Variants in CCNY observed in about 807,000 individuals in gnomAD.
CCNY encodes the protein cyclin Y.
A neutral mutation model predicts 42.8 loss-of-function variants in CCNY; 19 were observed. The observed-to-expected ratio is 0.44, with a 90% CI of 0.31 to 0.65. The LOEUF (loss-of-function observed/expected upper bound fraction) is 0.65. Ranked by LOEUF, CCNY falls within the 30% of genes least tolerant of loss-of-function variation. The pLI, the probability that CCNY is intolerant of heterozygous loss-of-function variation, is 0.07. For synonymous variants in CCNY, 165 were observed against 162.7 expected (o/e 1.01, Z -0.11); for missense variants, 370 against 437.3 (o/e 0.85, Z 1.37).
chr10:35,553,783 C>T (rs887013970), intron 8 of CCNY, among the ~76,000 whole-genome samples: 10 of 152,060 alleles, frequency 6.6e-5, no homozygotes, highest in Admixed American at 6.5e-4. Flanking sequence ...GTCCACTCCC[C>T]TCACTCTCTG....
chr10:35,383,044 T>C (rs1837223300), intron 1 of CCNY, among the ~76,000 whole-genome samples: 1 of 152,120 alleles, frequency 6.6e-6, no homozygotes. Context: ...CAATTGAACA[T>C]GGATCGAAAA....
At chr10:35,352,719 G>T (rs1199396545) in intron 1 of CCNY, among the ~76,000 whole-genome samples, 1 of 152,220 alleles carries the variant, frequency 6.6e-6, no homozygotes, top group African/African-American at 2.4e-5. Flanking sequence ...ACAATACGGT[G>T]TGTAGGGGAA....
intron 3 of CCNY, among the ~76,000 whole-genome samples, chr10:35,325,398 G>A (rs1398847922): frequency 2.6e-5 from 4 of 151,566 alleles, no homozygotes; most frequent in South Asian, 2.1e-4. Flanking sequence ...GGCTGGTCTC[G>A]AACTCCTGAC....
chr10:35,535,543 C>T (rs1840869132), intron 7 of CCNY, among the ~76,000 whole-genome samples: 2 of 152,086 alleles, frequency 1.3e-5, no homozygotes, highest in South Asian at 4.2e-4. Context: ...TATATGTATA[C>T]ATATACGTAT....
intron 1 of CCNY, among the ~76,000 whole-genome samples, chr10:35,391,976 A>C (rs17579654): frequency 0.4 from 60,477 of 151,662 alleles, 12,447 homozygotes; most frequent in African/African-American, 0.5. Flanking sequence ...GCAGCCTTCT[A>C]TAACATTTAT....
intron 1 of CCNY, among the ~76,000 whole-genome samples, chr10:35,428,019 A>G (rs1057215568): frequency 6.6e-6 from 1 of 152,220 alleles, no homozygotes; most frequent in African/African-American, 2.4e-5. Context: ...TGGACCGACT[A>G]TCTTTATAGA....
At chr10:35,404,683 G>A (rs185528306) in intron 1 of CCNY, among the ~76,000 whole-genome samples, 14 of 152,270 alleles carry the variant, frequency 9.2e-5, no homozygotes, top group Non-Finnish European at 1.3e-4. Flanking sequence ...AAAGGTGAAA[G>A]TATCCAAACA....
chr10:35,266,926 A>C (rs1249077647), intron 3 of CCNY, among the ~76,000 whole-genome samples: 1 of 144,872 alleles, frequency 6.9e-6, no homozygotes, highest in Non-Finnish European at 1.5e-5. Flanking sequence ...TCTACTAAAA[A>C]TACAAACATT....
intron 1 of CCNY, among the ~76,000 whole-genome samples, chr10:35,369,083 A>T (rs148852762): frequency 6.6e-6 from 1 of 151,848 alleles, no homozygotes; most frequent in African/African-American, 2.4e-5. Context: ...TGCTCTGTGG[A>T]AGTAGTCCAG....
At chr10:35,488,823 T>C (rs1247568419) in intron 2 of CCNY, among the ~76,000 whole-genome samples, 2 of 152,210 alleles carry the variant, frequency 1.3e-5, no homozygotes, top group Non-Finnish European at 2.9e-5. Flanking sequence ...TTCAGTCCTT[T>C]AAAAATGTAT....
chr10:35,491,786 T>G (rs1179664360), intron 2 of CCNY, among the ~76,000 whole-genome samples: 1 of 152,042 alleles, frequency 6.6e-6, no homozygotes, highest in Admixed American at 6.5e-5. Context: ...GCTAATTTTT[T>G]GTATTTTTAG....
At chr10:35,478,225 A>T (rs1415314879) in intron 1 of CCNY, among the ~76,000 whole-genome samples, 1 of 148,870 alleles carries the variant, frequency 6.7e-6, no homozygotes. Context: ...AAGGTAATTT[A>T]CAGATTCAAT....
rs570914308 is a variant in CCNY, at chr10:35,336,844, T to TCGC, written c.-190_-188dup. On this transcript the variant is annotated 5_prime_UTR_variant, in exon 1 of 10. Coordinates refer to ENST00000374704, the MANE Select transcript of CCNY (RefSeq NM_145012.6). Reference sequence around the variant, plus strand: ...GGGAGCCGGGGCCGTCGCCCGCTCGTCGCCGCCGCCGCCGCCGCCGCCCAT... The same window carrying TCGC: ...GGGAGCCGGGGCCGTCGCCCGCTCGTCGCCGCCGCCGCCGCCGCCGCCGCCCAT... The TCGC allele has an allele frequency of 7.4e-4, 111 of 149,672 alleles. 1 individual carries two copies. Among genetic ancestry groups the TCGC allele is most frequent in the African/African-American group, 9.4e-4 (38 of 40,402 alleles). 9.3% of individuals were successfully genotyped at this position (149,672 alleles called of 1,614,324 possible).
intron 1 of CCNY, among the ~76,000 whole-genome samples, chr10:35,423,699 G>T (rs148101780): frequency 0.01 from 1,525 of 152,160 alleles, 35 homozygotes; most frequent in African/African-American, 0.035. Context: ...TGTCCAAGAA[G>T]AACTTTGACC....
intron 3 of CCNY, among the ~76,000 whole-genome samples, chr10:35,278,235 T>C (rs987964341): frequency 1.6e-4 from 24 of 152,094 alleles, no homozygotes; most frequent in Non-Finnish European, 3.1e-4. Context: ...ACAATGCTGA[T>C]TACAGACCAG....
intron 1 of CCNY, among the ~76,000 whole-genome samples, chr10:35,424,761 C>T (rs371323876): frequency 2.0e-5 from 3 of 152,130 alleles, no homozygotes; most frequent in African/African-American, 7.2e-5. Context: ...GTGTGCCTGG[C>T]CAGGCGCATA....
At chr10:35,303,453 T>C (rs1371131035) in intron 3 of CCNY, among the ~76,000 whole-genome samples, 2 of 151,330 alleles carry the variant, frequency 1.3e-5, no homozygotes, top group African/African-American at 4.8e-5. Context: ...GTGCTAGGAT[T>C]ACAGGCGAAA....
chr10:35,463,645 C>G (rs1211457664), intron 1 of CCNY, among the ~76,000 whole-genome samples: 2 of 152,094 alleles, frequency 1.3e-5, no homozygotes, highest in Non-Finnish European at 2.9e-5. Context: ...TCAGGCAGAA[C>G]TTTAAAAAAA....
chr10:35,253,840 G>A (rs1444299946), intron 3 of CCNY, among the ~76,000 whole-genome samples: 1 of 148,698 alleles, frequency 6.7e-6, no homozygotes, highest in Non-Finnish European at 1.5e-5. Context: ...GGCTATTGAT[G>A]TTGCTCTCAA....
Sources: gnomAD v4.1 joint callset for allele counts (sites outside exome capture counted in the v4.1 genomes callset) on GRCh38, gnomAD v4.1.1 for gene constraint, MANE v1.5 for transcripts, NCBI Gene and HGNC (gene_info 2026-07-23, HGNC 2026-07-21) for gene names.